The following NOC3L variants were observed in gnomAD, a reference collection of about 807,000 sequenced individuals.
NOC3L encodes NOC3 like DNA replication regulator.
In NOC3L, 85 loss-of-function variants were observed where a neutral mutation model predicts 102.5. That is an observed-to-expected ratio of 0.83 (90% CI 0.70 to 0.99). The LOEUF (loss-of-function observed/expected upper bound fraction) is 0.99. Among genes scored for constraint, NOC3L ranks in the 50% least tolerant of loss-of-function variants. The probability of loss-of-function intolerance (pLI) is 0.00; values close to 1 mark genes in which losing one functional copy is unlikely to be tolerated. For synonymous variants in NOC3L, 303 were observed against 309.4 expected (o/e 0.98, Z 0.22); for missense variants, 878 against 914.9 (o/e 0.96, Z 0.52).
intron 6 of NOC3L, among the ~76,000 whole-genome samples, chr10:94,353,822 TATATC>T (rs2054451057): frequency 1.3e-5 from 2 of 152,214 alleles, no homozygotes; most frequent in African/African-American, 4.8e-5. Flanking sequence ...ATTAACCAAA[TATATC>T]AGTCATACAC....
In NOC3L at chr10:94,353,009, C is replaced by CA; in HGVS notation, c.744dup (p.Asp249Ter). The CA allele has an allele frequency of 6.2e-7, 1 of 1,613,766 alleles. No homozygotes were observed. The highest frequency in any genetic ancestry group is 8.5e-7 in the Non-Finnish European group (1 of 1,179,776). On this transcript the variant is annotated frameshift_variant, in exon 7 of 21. Coordinates refer to ENST00000371361, the MANE Select transcript of NOC3L (RefSeq NM_022451.11). LOFTEE classifies it high-confidence loss of function. Reference sequence around the variant, plus strand: ...AGCTTTCGAACAGTAACAGCCACATCAGGATCTTGTTCCATCAACATAGAA... The same window carrying CA: ...AGCTTTCGAACAGTAACAGCCACATCAAGGATCTTGTTCCATCAACATAGAA...
chr10:94,341,647 T>C, intron 14 of NOC3L, 26 bp downstream of exon 14: 1 of 1,250,084 alleles, frequency 8.0e-7, no homozygotes, highest in Non-Finnish European at 1.1e-6. Flanking sequence ...TTTATATCTT[T>C]TAAAAAATAA....
chr10:94,322,523 G>A, the NOC3L span, among the ~76,000 whole-genome samples: 1 of 152,070 alleles, frequency 6.6e-6, no homozygotes, highest in South Asian at 2.1e-4. Context: ...GGGGGTTCAC[G>A]CCTGTAATCC....
At chr10:94,318,340 TATTA>T in the NOC3L span, among the ~76,000 whole-genome samples, 1 of 152,214 alleles carries the variant, frequency 6.6e-6, no homozygotes, top group African/African-American at 2.4e-5. Flanking sequence ...TGTCTTGCCT[TATTA>T]ATTAGCTACA....
At position 94,361,111 on chromosome 10, in the gene NOC3L, G is replaced by A. The variant is rs957860614; in HGVS notation, c.217+554C>T. On this transcript the variant is annotated intron_variant, in intron 2 of 20. Coordinates refer to ENST00000371361, the MANE Select transcript of NOC3L (RefSeq NM_022451.11). ...AAATAAGAATACCCTAAAAGTACCA[G>A]CAAAGTTGTAGAACTAGCCTGACTC... Among the ~76,000 whole-genome samples, 23 of 152,180 alleles carry A rather than the reference G, an allele frequency of 1.5e-4. 1 individual carries two copies. Among genetic ancestry groups the A allele is most frequent in the African/African-American group, 5.5e-4 (23 of 41,456 alleles).
the NOC3L span, chr10:94,315,391 C>A: frequency 2.2e-6 from 1 of 455,972 alleles, no homozygotes; most frequent in Non-Finnish European, 4.4e-6. Flanking sequence ...CTACTTCTCA[C>A]GGGAAGGCAA....
chr10:94,324,796 TAG>T, the NOC3L span: 2 of 1,283,536 alleles, frequency 1.6e-6, no homozygotes, highest in Non-Finnish European at 2.2e-6. Flanking sequence ...TCCAAAGCTC[TAG>T]AGAGAAGAGG....
chr10:94,327,189 T>G, the NOC3L span, among the ~76,000 whole-genome samples: 1 of 152,210 alleles, frequency 6.6e-6, no homozygotes, highest in Admixed American at 6.5e-5. Flanking sequence ...GCTTCTCTTA[T>G]AGTCATTGGT....
At chr10:94,316,988 C>T in the NOC3L span, among the ~76,000 whole-genome samples, 7 of 152,236 alleles carry the variant, frequency 4.6e-5, no homozygotes, top group African/African-American at 7.2e-5. Flanking sequence ...TGGTGGCTCA[C>T]GCCTGTAATC....
chr10:94,325,919 G>A, the NOC3L span, among the ~76,000 whole-genome samples: 10 of 152,218 alleles, frequency 6.6e-5, no homozygotes, highest in South Asian at 2.1e-4. Context: ...TCTGGCATCC[G>A]GGATGTGGTT....
chr10:94,340,980 CAA>C (rs71485908), intron 14 of NOC3L, among the ~76,000 whole-genome samples: 19 of 67,768 alleles, frequency 2.8e-4, no homozygotes, highest in East Asian at 3.9e-4. Flanking sequence ...GACTCCCTCT[CAA>C]AAAAAAAAAA....
chr10:94,329,735 ACCACCACGCT>A (rs2054133533), downstream of NOC3L: 1 of 128,036 alleles, frequency 7.8e-6, no homozygotes, highest in African/African-American at 2.9e-5. Context: ...CCAAGATCGC[ACCACCACGCT>A]CCAGCCTGGT....
intron 2 of NOC3L, among the ~76,000 whole-genome samples, chr10:94,360,125 A>G (rs12773229): frequency 0.31 from 46,541 of 151,978 alleles, 7,621 homozygotes; most frequent in Middle Eastern, 0.46. Flanking sequence ...AGACCATCCC[A>G]GCCAACATGG....
intron 10 of NOC3L, among the ~76,000 whole-genome samples, chr10:94,348,175 A>G (rs191981679): frequency 2.7e-3 from 401 of 149,974 alleles, no homozygotes; most frequent in African/African-American, 8.8e-3. Flanking sequence ...TATTCATTAC[A>G]TATATTAAAC....
At chr10:94,347,845 TGA>T (rs1181053939) in intron 10 of NOC3L, among the ~76,000 whole-genome samples, 2 of 152,050 alleles carry the variant, frequency 1.3e-5, no homozygotes, top group Non-Finnish European at 2.9e-5. Flanking sequence ...ATCAATACAT[TGA>T]ATCGATTCTA....
chr10:94,343,748 TTTAATA>T (rs1177716299), intron 13 of NOC3L, among the ~76,000 whole-genome samples: 1 of 152,228 alleles, frequency 6.6e-6, no homozygotes, highest in Non-Finnish European at 1.5e-5. Context: ...CTCATTAATG[TTTAATA>T]TTGTGTTAAA....
intron 3 of NOC3L, 94 bp from the exon 4 acceptor site, chr10:94,357,425 C>G (rs2054501961): frequency 8.7e-7 from 1 of 1,145,194 alleles, no homozygotes; most frequent in African/African-American, 1.6e-5. Flanking sequence ...AACCACCAGC[C>G]AACTTTCAAT....
intron 4 of NOC3L, 127 bp downstream of exon 4, chr10:94,357,047 T>C (rs2054494636): frequency 5.9e-6 from 4 of 678,596 alleles, no homozygotes; most frequent in Non-Finnish European, 9.3e-6. Flanking sequence ...AAGCTTGCTA[T>C]AAGACTAATT....
chr10:94,325,104 G>C, the NOC3L span: 1 of 1,604,140 alleles, frequency 6.2e-7, no homozygotes, highest in East Asian at 2.2e-5. Flanking sequence ...GTTTAACCCA[G>C]GTATAGTAAG....
Sources: allele counts gnomAD v4.1 joint callset (sites outside exome capture counted in the v4.1 genomes callset), GRCh38; gene constraint gnomAD v4.1.1; transcripts MANE v1.5; gene names NCBI Gene and HGNC (gene_info 2026-07-23, HGNC 2026-07-21).